Variants in GALNT17 observed in about 807,000 individuals in gnomAD.
GALNT17 encodes the protein polypeptide N-acetylgalactosaminyltransferase 17.
GALNT17 carries 29 observed loss-of-function variants against 63.7 expected under a neutral mutation model. The observed-to-expected ratio is 0.46, with a 90% CI of 0.34 to 0.62. The LOEUF is 0.62. Among genes scored for constraint, GALNT17 ranks in the 20% least tolerant of loss-of-function variants. The pLI, the probability that GALNT17 is intolerant of heterozygous loss-of-function variation, is 0.01. For synonymous variants in GALNT17, 305 were observed against 318.3 expected (o/e 0.96, Z 0.45); for missense variants, 603 against 799.6 (o/e 0.75, Z 2.97).
intron 1 of GALNT17, among the ~76,000 whole-genome samples, chr7:71,280,089 T>A (rs574097499): frequency 6.6e-6 from 1 of 152,246 alleles, no homozygotes; most frequent in South Asian, 2.1e-4. Context: ...TAGAGTAGCA[T>A]TTTCTGCCCC....
chr7:71,337,956 G>A (rs1791939752), intron 2 of GALNT17, among the ~76,000 whole-genome samples: 1 of 152,040 alleles, frequency 6.6e-6, no homozygotes, highest in African/African-American at 2.4e-5. Flanking sequence ...AGCCCTTTGG[G>A]AAGCCAATCG....
chr7:71,692,735 CTA>C (rs1791474009), intron 9 of GALNT17, among the ~76,000 whole-genome samples: 1 of 42,470 alleles, frequency 2.4e-5, no homozygotes, highest in African/African-American at 7.0e-5. Flanking sequence ...TATTTTTATT[CTA>C]TTTTTTTTTT....
intron 2 of GALNT17, among the ~76,000 whole-genome samples, chr7:71,365,879 A>G (rs1792495147): frequency 6.6e-6 from 1 of 152,038 alleles, no homozygotes; most frequent in South Asian, 2.1e-4. Context: ...TATTATTATT[A>G]CATTGTAATA....
intron 3 of GALNT17, among the ~76,000 whole-genome samples, chr7:71,389,844 C>T (rs745763338): frequency 1.3e-5 from 2 of 152,196 alleles, no homozygotes; most frequent in Admixed American, 1.3e-4. Flanking sequence ...TGCTCATCTT[C>T]TGGAATTCAG....
chr7:71,171,967 C>A (rs181102741), intron 1 of GALNT17, among the ~76,000 whole-genome samples: 1 of 152,338 alleles, frequency 6.6e-6, no homozygotes, highest in East Asian at 1.9e-4. Context: ...CTCCCACCCC[C>A]AGCCCACCTA....
chr7:71,454,625 G>T (rs1444085810), intron 5 of GALNT17, among the ~76,000 whole-genome samples: 1 of 152,058 alleles, frequency 6.6e-6, no homozygotes, highest in African/African-American at 2.4e-5. Context: ...TGCTGAGTGG[G>T]GTGGCTAAAT....
intron 6 of GALNT17, among the ~76,000 whole-genome samples, chr7:71,617,497 T>G (rs1790230024): frequency 6.6e-6 from 1 of 151,594 alleles, no homozygotes; most frequent in Non-Finnish European, 1.5e-5. Context: ...AATTTTTGTA[T>G]TTTTAGTAGA....
At chr7:71,335,271 A>G (rs1469649693) in intron 1 of GALNT17, among the ~76,000 whole-genome samples, 1 of 152,132 alleles carries the variant, frequency 6.6e-6, no homozygotes, top group African/African-American at 2.4e-5. Flanking sequence ...AGCTGGGACT[A>G]CAGGTGTGCA....
intron 1 of GALNT17, among the ~76,000 whole-genome samples, chr7:71,137,265 G>C (rs962334428): frequency 6.7e-6 from 1 of 149,090 alleles, no homozygotes; most frequent in African/African-American, 2.5e-5. Flanking sequence ...TCAGCCTCCC[G>C]AGTAGCTGGG....
intron 3 of GALNT17, among the ~76,000 whole-genome samples, chr7:71,405,204 A>G (rs1793307505): frequency 6.6e-6 from 1 of 152,196 alleles, no homozygotes; most frequent in Non-Finnish European, 1.5e-5. Flanking sequence ...ATGACTTGAG[A>G]TTTCACAACA....
intron 6 of GALNT17, among the ~76,000 whole-genome samples, chr7:71,616,253 C>G (rs1241994749): frequency 6.6e-6 from 1 of 151,860 alleles, no homozygotes; most frequent in African/African-American, 2.4e-5. Flanking sequence ...GTGTCTGAAG[C>G]TGAACTTGAA....
intron 1 of GALNT17, among the ~76,000 whole-genome samples, chr7:71,197,661 A>C (rs1585874706): frequency 6.6e-6 from 1 of 152,048 alleles, no homozygotes; most frequent in Non-Finnish European, 1.5e-5. Context: ...CAACTGTTTC[A>C]ATTTTTAGCC....
rs192158854 is a variant in GALNT17, at chr7:71,317,776, A to G, written c.239-17774A>G. Reference sequence around the variant, plus strand: ...ATTCTCCAAGACGTTGGATTTTACCACTTGTACATCTGGCGGATACACCCT... The same window carrying G: ...ATTCTCCAAGACGTTGGATTTTACCGCTTGTACATCTGGCGGATACACCCT... On this transcript the variant is annotated intron_variant, in intron 1 of 10. Coordinates refer to ENST00000333538, the MANE Select transcript of GALNT17 (RefSeq NM_022479.3). Among the ~76,000 whole-genome samples the G allele has an allele frequency of 9.9e-5, 15 of 152,258 alleles. No individual in the cohort carries two copies. The East Asian group carries it at 2.5e-3, about 25-fold the overall frequency.
chr7:71,175,170 T>C (rs908708386), intron 1 of GALNT17, among the ~76,000 whole-genome samples: 1 of 152,138 alleles, frequency 6.6e-6, no homozygotes, highest in African/African-American at 2.4e-5. Context: ...CTTCCTTTCT[T>C]CCTTTCCATC....
Position 71,564,278 on chromosome 7 carries a change from CTTTTTTTTTTT to C in GALNT17, c.963-6993_963-6983del, listed in dbSNP as rs10539122. ...TCTTTCTTTTTTTTTCTTTTCTTTTCTTTTTTTTTTTTTTTTTTTTTTTTGAGATGGAGTCT... is the reference window on the plus strand; with the variant it reads ...TCTTTCTTTTTTTTTCTTTTCTTTTCTTTTTTTTTTTTTGAGATGGAGTCT... On this transcript the variant is annotated intron_variant, in intron 5 of 10. Coordinates refer to ENST00000333538, the MANE Select transcript of GALNT17 (RefSeq NM_022479.3). Among the ~76,000 whole-genome samples the C allele has an allele frequency of 5.5e-4, 54 of 98,004 alleles. 1 individual carries two copies. The highest frequency in any genetic ancestry group is 6.7e-4 in the East Asian group (2 of 2,964). The allele number at this position is 98,004 out of a possible 152,430, so 64.3% of individuals were successfully genotyped here. A position where few individuals can be genotyped will look rare whatever the true frequency, so the allele number is the denominator to read the frequency against.
Position 71,592,563 on chromosome 7 carries a change from C to CA in GALNT17, c.1080+21161_1080+21162insA, listed in dbSNP as rs373112898. The stretch of plus-strand genomic sequence containing the variant: ...AAATAAAATAGCATAGCATAGCATA[C>CA]TAAAATAAAATAAAATAAAATAAAA... On this transcript the variant is annotated intron_variant, in intron 6 of 10. Transcript: ENST00000333538. Among the ~76,000 whole-genome samples, 278 of 69,978 alleles carry CA rather than the reference C, an allele frequency of 4.0e-3. 10 individuals carry two copies. The South Asian group carries it at 0.055, about 14-fold the overall frequency. The allele number at this position is 69,978 out of a possible 152,430, so 45.9% of individuals were successfully genotyped here. A position where few individuals can be genotyped will look rare whatever the true frequency, so the allele number is the denominator to read the frequency against.
At chr7:71,616,904 A>AAGAATCATATTAAGAATATATAATTCTT (rs1562711675) in intron 6 of GALNT17, among the ~76,000 whole-genome samples, 2 of 145,004 alleles carry the variant, frequency 1.4e-5, no homozygotes, top group Admixed American at 7.0e-5. Flanking sequence ...TAATTCTTAT[A>AAGAATCATATTAAGAATATATAATTCTT]AGAATCATAT....
intron 5 of GALNT17, among the ~76,000 whole-genome samples, chr7:71,545,499 G>A (rs139928749): frequency 7.9e-5 from 12 of 152,120 alleles, no homozygotes; most frequent in African/African-American, 2.4e-4. Context: ...TTACAGGCAC[G>A]TGCCACCACG....
chr7:71,618,745 T>C (rs1790252253), intron 6 of GALNT17, among the ~76,000 whole-genome samples: 1 of 152,192 alleles, frequency 6.6e-6, no homozygotes, highest in South Asian at 2.1e-4. Context: ...AAATATCTTC[T>C]CCCGTTCTAT....
Sources: allele counts gnomAD v4.1 joint callset (sites outside exome capture counted in the v4.1 genomes callset), GRCh38; gene constraint gnomAD v4.1.1; transcripts MANE v1.5; gene names NCBI Gene and HGNC (gene_info 2026-07-23, HGNC 2026-07-21).